Variants in SHANK2 observed in about 807,000 individuals in gnomAD.
SHANK2 encodes SH3 and multiple ankyrin repeat domains 2.
In SHANK2, 43 loss-of-function variants were observed where a neutral mutation model predicts 133.7. That is an observed-to-expected ratio of 0.32 (90% CI 0.25 to 0.41). The LOEUF (loss-of-function observed/expected upper bound fraction) is 0.41, where lower values mean the gene tolerates loss of function less well. Among genes scored for constraint, SHANK2 ranks in the 10% least tolerant of loss-of-function variants. SHANK2 has a pLI of 1.00. For missense variants in SHANK2, 1,994 were observed against 2,235.8 expected (o/e 0.89, Z 2.18); for synonymous variants, 1,017 against 952.8 (o/e 1.07, Z -1.24).
intron 11 of SHANK2, chr11:70,864,109 T>C: frequency 3.5e-6 from 1 of 288,526 alleles, no homozygotes; most frequent in South Asian, 3.1e-5. Context: ...CACACCTTGC[T>C]TTCTTCCTTG....
At chr11:70,721,191 C>G (rs1400911875) in intron 14 of SHANK2, among the ~76,000 whole-genome samples, 2 of 152,210 alleles carry the variant, frequency 1.3e-5, no homozygotes, top group Non-Finnish European at 2.9e-5. Flanking sequence ...GCTGCTCCTT[C>G]CCGAAAGAGG....
At chr11:70,894,187 T>C (rs1949896939) in intron 11 of SHANK2, among the ~76,000 whole-genome samples, 1 of 152,046 alleles carries the variant, frequency 6.6e-6, no homozygotes, top group Admixed American at 6.5e-5. Flanking sequence ...CTGGTTTTTG[T>C]TTTGTTTTGT....
chr11:70,949,653 A>C (rs1192782318), intron 10 of SHANK2, among the ~76,000 whole-genome samples: 1 of 152,128 alleles, frequency 6.6e-6, no homozygotes, highest in Non-Finnish European at 1.5e-5. Flanking sequence ...GGCTGGACAC[A>C]ACCACCTCCT....
intron 17 of SHANK2, among the ~76,000 whole-genome samples, chr11:70,587,500 A>G (rs1400072966): frequency 6.6e-6 from 1 of 152,210 alleles, no homozygotes. Flanking sequence ...CCGACAGGAA[A>G]AAATATTCCC....
intron 6 of SHANK2, among the ~76,000 whole-genome samples, chr11:71,109,669 C>T (rs1196220440): frequency 6.6e-6 from 1 of 152,258 alleles, no homozygotes; most frequent in Non-Finnish European, 1.5e-5. Flanking sequence ...GTCATCTGCT[C>T]ATTCATTCAC....
chr11:70,619,408 T>G (rs559353260), intron 17 of SHANK2, among the ~76,000 whole-genome samples: 1 of 152,064 alleles, frequency 6.6e-6, no homozygotes, highest in African/African-American at 2.4e-5. Flanking sequence ...AGTTCTGCCT[T>G]GGGGGGTCCC....
chr11:70,515,070 T>G (rs902558801), intron 17 of SHANK2, among the ~76,000 whole-genome samples: 2 of 152,242 alleles, frequency 1.3e-5, no homozygotes, highest in Non-Finnish European at 2.9e-5. Context: ...ACACAGGGTC[T>G]TGCTCTGTCG....
intron 10 of SHANK2, among the ~76,000 whole-genome samples, chr11:70,931,529 A>C (rs1950504160): frequency 6.6e-6 from 1 of 152,216 alleles, no homozygotes; most frequent in Non-Finnish European, 1.5e-5. Context: ...AAGTCAGGAA[A>C]GGGAAACCGA....
In SHANK2 at chr11:70,560,684, C is replaced by T. The variant is rs1003584416; in HGVS notation, c.2062-57753G>A. 6.0e-5 allele frequency among the ~76,000 whole-genome samples: 9 copies of T among 150,414 alleles called. No homozygotes were observed. The East Asian group carries it at 1.2e-3, about 20-fold the overall frequency. ...TCTTGCTCTGTCACCCAGGCTGGAG[C>T]GCAGTGGCACGATCTCGGCTCACTG... On this transcript the variant is annotated intron_variant, in intron 17 of 25. Coordinates refer to ENST00000601538, the MANE Select transcript of SHANK2 (RefSeq NM_012309.5).
At chr11:70,596,146 T>C (rs985850322) in intron 17 of SHANK2, among the ~76,000 whole-genome samples, 24 of 152,214 alleles carry the variant, frequency 1.6e-4, no homozygotes, top group African/African-American at 5.8e-4. Context: ...GATCAATCTC[T>C]GCGGTGCTGA....
intron 17 of SHANK2, among the ~76,000 whole-genome samples, chr11:70,527,884 G>A (rs564624109): frequency 1.7e-3 from 257 of 152,326 alleles, no homozygotes; most frequent in Non-Finnish European, 2.7e-3. Context: ...CCAGACTCCC[G>A]CCCATGCTCC....
intron 17 of SHANK2, among the ~76,000 whole-genome samples, chr11:70,562,576 C>T (rs1248142777): frequency 2.0e-5 from 3 of 152,244 alleles, no homozygotes; most frequent in East Asian, 3.9e-4. Context: ...ATACTAATAT[C>T]GTCATCCCAG....
At chr11:70,694,230 G>C (rs1363147147) in intron 15 of SHANK2, among the ~76,000 whole-genome samples, 1 of 152,192 alleles carries the variant, frequency 6.6e-6, no homozygotes, top group Non-Finnish European at 1.5e-5. Flanking sequence ...TAATTAATGT[G>C]GCCATTTCTA....
chr11:71,056,219 C>T (rs1007895593), intron 10 of SHANK2, among the ~76,000 whole-genome samples: 4 of 152,156 alleles, frequency 2.6e-5, no homozygotes, highest in Admixed American at 6.5e-5. Flanking sequence ...GCTGCCTTTC[C>T]GGCGCTGACT....
At chr11:70,764,684 T>C (rs1477624975) in intron 14 of SHANK2, among the ~76,000 whole-genome samples, 1 of 151,082 alleles carries the variant, frequency 6.6e-6, no homozygotes, top group Non-Finnish European at 1.5e-5. Context: ...CGTGCATCTA[T>C]CCATCCACAC....
chr11:71,115,264 G>A (rs1447291988), intron 4 of SHANK2, among the ~76,000 whole-genome samples: 3 of 152,122 alleles, frequency 2.0e-5, no homozygotes, highest in South Asian at 2.1e-4. Flanking sequence ...GAGGCCAGGA[G>A]TTTGAGACCA....
chr11:71,079,195 C>T (rs1951259129), intron 8 of SHANK2, among the ~76,000 whole-genome samples: 1 of 152,228 alleles, frequency 6.6e-6, no homozygotes, highest in Non-Finnish European at 1.5e-5. Flanking sequence ...GATCCCATCA[C>T]GAGCAAACAC....
At chr11:70,609,392 C>A (rs2060624178) in intron 17 of SHANK2, among the ~76,000 whole-genome samples, 1 of 152,132 alleles carries the variant, frequency 6.6e-6, no homozygotes, top group East Asian at 1.9e-4. Context: ...GTGAAGAAAC[C>A]AGCATGGGTC....
chr11:70,574,868 T>TC (rs1243103731), intron 17 of SHANK2, among the ~76,000 whole-genome samples: 3 of 152,138 alleles, frequency 2.0e-5, no homozygotes, highest in Non-Finnish European at 4.4e-5. Flanking sequence ...ACCCCAAACC[T>TC]CGCTGCCCGG....
Sources: gnomAD v4.1 joint callset for allele counts (sites outside exome capture counted in the v4.1 genomes callset) on GRCh38, gnomAD v4.1.1 for gene constraint, MANE v1.5 for transcripts, NCBI Gene and HGNC (gene_info 2026-07-23, HGNC 2026-07-21) for gene names.